The following RPRD1B variants were observed in gnomAD, a reference collection of about 807,000 sequenced individuals.
RPRD1B encodes regulation of nuclear pre-mRNA domain-containing protein 1B.
Under a neutral mutation model 41.5 loss-of-function variants are expected in RPRD1B, and 11 were observed. That is an observed-to-expected ratio of 0.27 (90% confidence interval 0.17 to 0.44). The LOEUF (loss-of-function observed/expected upper bound fraction) is 0.44, where lower values mean the gene tolerates loss of function less well. Among genes scored for constraint, RPRD1B ranks in the 20% least tolerant of loss-of-function variants. The probability of loss-of-function intolerance (pLI) is 1.00; values close to 1 mark genes in which losing one functional copy is unlikely to be tolerated. For synonymous variants in RPRD1B, 158 were observed against 155.6 expected (o/e 1.02, Z -0.12); for missense variants, 248 against 389.9 (o/e 0.64, Z 3.06).
chr20:38,084,558 C>T (rs1393573662), intron 6 of RPRD1B, among the ~76,000 whole-genome samples: 1 of 152,120 alleles, frequency 6.6e-6, no homozygotes, highest in East Asian at 1.9e-4. Context: ...ATTTCTAGCC[C>T]ACTTATCCCA....
chr20:38,041,244 C>T (rs902457808), intron 2 of RPRD1B, among the ~76,000 whole-genome samples: 3 of 152,022 alleles, frequency 2.0e-5, no homozygotes, highest in Admixed American at 6.6e-5. Flanking sequence ...GAAAAACTAT[C>T]GTTCATTAGA....
Position 38,064,464 on chromosome 20 carries a change from C to T in RPRD1B, c.656-1617C>T, listed in dbSNP as rs143947653. Among the ~76,000 whole-genome samples the T allele has an allele frequency of 8.3e-3, 1,267 of 152,316 alleles. 11 individuals are homozygous for T. The highest frequency in any genetic ancestry group is 0.025 in the African/African-American group (1,038 of 41,554). ...AATGTCATGGAACTGTCCCACGGTA[C>T]TGCCGGAGTCTCTGGTGCCCTTTGT... On this transcript the variant is annotated intron_variant, in intron 5 of 6. Coordinates refer to ENST00000373433, the MANE Select transcript of RPRD1B (RefSeq NM_021215.4).
intron 6 of RPRD1B, chr20:38,070,558 G>T: frequency 1.0e-6 from 1 of 985,490 alleles, no homozygotes; most frequent in South Asian, 4.7e-5. Context: ...ATAAGACATA[G>T]CGTGAGTGGG....
rs1344469559 is a variant in RPRD1B, at chr20:38,061,037, A to G, written c.655+1517A>G. 3.3e-5 allele frequency among the ~76,000 whole-genome samples: 5 copies of G among 152,378 alleles called. No homozygotes were observed. In the East Asian group the frequency reaches 9.6e-4, roughly 29 times the overall value. On this transcript the variant is annotated intron_variant, in intron 5 of 6. Transcript: ENST00000373433. ...ATTGCAAGCAAGTTAATGTAAAGCT[A>G]GCCATGTATGTAATTTTGTTTCTCT...
chr20:38,089,869 T>C lies in RPRD1B; in HGVS notation c.975T>C (p.Thr325=), dbSNP rs777084251. 6.2e-7 allele frequency: 1 copy of C among 1,611,702 alleles called. No individual in the cohort carries two copies. Among genetic ancestry groups the C allele is most frequent in the Non-Finnish European group, 8.5e-7 (1 of 1,179,202 alleles). Residue 325 remains threonine, a synonymous_variant, in exon 7 of 7, where the codon ACT becomes ACC. Coordinates refer to ENST00000373433, the MANE Select transcript of RPRD1B (RefSeq NM_021215.4). The stretch of plus-strand genomic sequence containing the variant: ...CCTCTGCTGGGGACCTGTTTTCAAC[T>C]GACTAGGATGGGTGTCATGTCCCAG... The part of the protein sequence containing the change: ...PLPSAGDLFS[T]D
At chr20:38,044,649 C>T (rs1419763335) in intron 2 of RPRD1B, among the ~76,000 whole-genome samples, 1 of 152,148 alleles carries the variant, frequency 6.6e-6, no homozygotes, top group Non-Finnish European at 1.5e-5. Flanking sequence ...GCTGGGATTA[C>T]AGGCGTCAGC....
chr20:38,057,706 A>G (rs116870353), intron 4 of RPRD1B, 62 bp downstream of exon 4: 32,987 of 1,214,788 alleles, frequency 0.027, 543 homozygotes, highest in Middle Eastern at 0.049. Flanking sequence ...GTTGAAGACT[A>G]TGGCCACAAG....
chr20:38,034,700 G>A (rs1002621479), intron 1 of RPRD1B, among the ~76,000 whole-genome samples: 1 of 152,142 alleles, frequency 6.6e-6, no homozygotes, highest in Non-Finnish European at 1.5e-5. Flanking sequence ...CCCATCTTAG[G>A]TTAAGGGGCC....
chr20:38,090,277 C>T lies in RPRD1B; in HGVS notation c.*402C>T. ...AGCAGCTTCTCCTTTCTGGGCTGGG[C>T]TTGTTCAAGTTCGGTGTGGGCTTCC... is the stretch of plus-strand genomic sequence containing the variant. On this transcript the variant is annotated 3_prime_UTR_variant, in exon 7 of 7. Coordinates refer to ENST00000373433, the MANE Select transcript of RPRD1B (RefSeq NM_021215.4). The T allele has an allele frequency of 2.0e-6, 2 of 989,220 alleles. No homozygotes were observed. Among genetic ancestry groups the T allele is most frequent in the Non-Finnish European group, 2.4e-6 (2 of 832,070 alleles). 61.3% of individuals were successfully genotyped at this position (989,220 alleles called of 1,614,324 possible).
chr20:38,041,077 G>T (rs1276461784), intron 2 of RPRD1B, among the ~76,000 whole-genome samples: 3 of 152,178 alleles, frequency 2.0e-5, no homozygotes, highest in African/African-American at 7.2e-5. Flanking sequence ...ATTGTATTAA[G>T]CCTGGTGCTG....
In RPRD1B at chr20:38,036,432, C is replaced by T. The variant is rs150058894; in HGVS notation, c.151+2334C>T. On this transcript the variant is annotated intron_variant, in intron 1 of 6. Transcript: ENST00000373433. ...ATTTATTAGAATTAATGAGTGCCTC[C>T]CACCCCATCATACCAGTTTAGCATT... Among the ~76,000 whole-genome samples the T allele has an allele frequency of 7.1e-3, 1,079 of 152,236 alleles. 5 individuals carry two copies. Among genetic ancestry groups the T allele is most frequent in the African/African-American group, 0.021 (864 of 41,514 alleles).
At chr20:38,086,468 T>C (rs2074561941) in intron 6 of RPRD1B, among the ~76,000 whole-genome samples, 1 of 152,218 alleles carries the variant, frequency 6.6e-6, no homozygotes, top group Non-Finnish European at 1.5e-5. Context: ...CCTCTTAGCC[T>C]ACAGATCTTT....
At chr20:38,049,510 C>T (rs1600398733) in intron 3 of RPRD1B, among the ~76,000 whole-genome samples, 2 of 150,858 alleles carry the variant, frequency 1.3e-5, no homozygotes, top group African/African-American at 4.9e-5. Flanking sequence ...GCTGGAATTA[C>T]AGGCACCTGC....
chr20:38,033,987 T>C lies in RPRD1B; in HGVS notation c.40T>C (p.Ser14Pro). The change falls in exon 1 of 7, where the codon TCG becomes CCG. Residue 14 changes from serine to proline, a missense_variant. Around this residue, in one of 5 missense-constraint regions of RPRD1B, gnomAD observed 14 missense variants for 19.9 expected, o/e 0.70. Transcript: ENST00000373433. Reference sequence around the variant, plus strand: ...TGAGTCGGCGCTGGAGAAGAAGCTCTCGGAGCTGAGCAACTCTCAGCAGAG... The same window carrying C: ...TGAGTCGGCGCTGGAGAAGAAGCTCCCGGAGCTGAGCAACTCTCAGCAGAG... ...FSESALEKKL[S>P]ELSNSQQSVQ... is the part of the protein sequence containing the mutation. 1 of 1,613,836 alleles carries C rather than the reference T, an allele frequency of 6.2e-7. No homozygotes were observed.
At chr20:38,037,062 A>G (rs896268121) in intron 1 of RPRD1B, among the ~76,000 whole-genome samples, 4 of 152,250 alleles carry the variant, frequency 2.6e-5, no homozygotes, top group African/African-American at 9.6e-5. Flanking sequence ...TTAGCCCTGT[A>G]GGTTCTACCT....
chr20:38,089,350 C>T (rs1260142560), intron 6 of RPRD1B, among the ~76,000 whole-genome samples: 5 of 151,936 alleles, frequency 3.3e-5, no homozygotes, highest in Non-Finnish European at 7.4e-5. Context: ...CTTGCCATAT[C>T]TAGGTGGAGT....
Position 38,042,645 on chromosome 20 carries a change from C to G in RPRD1B, c.281+2081C>G, listed in dbSNP as rs1242567390. Among the ~76,000 whole-genome samples the G allele has an allele frequency of 2.0e-5, 3 of 152,174 alleles. No individual in the cohort carries two copies. In the East Asian group the frequency reaches 5.8e-4, roughly 29 times the overall value. On this transcript the variant is annotated intron_variant, in intron 2 of 6. Coordinates refer to ENST00000373433, the MANE Select transcript of RPRD1B (RefSeq NM_021215.4). ...TTCAGGATACCCATGTTTCCAATCT[C>G]CTTTCTTATACCCCATTATTGGGAC...
intron 6 of RPRD1B, among the ~76,000 whole-genome samples, chr20:38,074,697 C>G (rs1245219757): frequency 6.6e-6 from 1 of 152,200 alleles, no homozygotes; most frequent in Non-Finnish European, 1.5e-5. Flanking sequence ...CCTCTTATTA[C>G]TCCTGCCTGC....
chr20:38,082,412 A>G (rs536382078), intron 6 of RPRD1B, among the ~76,000 whole-genome samples: 97 of 152,080 alleles, frequency 6.4e-4, no homozygotes, highest in African/African-American at 2.3e-3. Flanking sequence ...TTTGAGACGG[A>G]GTCTTGCTCC....
Sources: gnomAD v4.1 joint callset for allele counts (sites outside exome capture counted in the v4.1 genomes callset) on GRCh38, gnomAD v4.1.1 for gene constraint, gnomAD v4.1.1 regional missense constraint, MANE v1.5 for transcripts, NCBI Gene and HGNC (gene_info 2026-07-23, HGNC 2026-07-21) for gene names.